GTPBP4: variants seen among roughly 807,000 people sequenced by gnomAD.
GTPBP4 encodes the protein GTP-binding protein 4.
A neutral mutation model predicts 81.7 loss-of-function variants in GTPBP4; 15 were observed. The ratio of observed to expected loss-of-function variants is 0.18; its 90% CI spans 0.12 to 0.28. The LOEUF (loss-of-function observed/expected upper bound fraction) is 0.28, where lower values mean the gene tolerates loss of function less well. Ranked by LOEUF, GTPBP4 falls within the 10% of genes least tolerant of loss-of-function variation. The probability of loss-of-function intolerance (pLI) is 1.00; values close to 1 mark genes in which losing one functional copy is unlikely to be tolerated. For missense variants in GTPBP4, 847 were observed against 793.8 expected (o/e 1.07, Z -0.81); for synonymous variants, 272 against 274.6 (o/e 0.99, Z 0.09).
At chr10:999,537 G>A (rs113688143) in intron 6 of GTPBP4, among the ~76,000 whole-genome samples, 2 of 152,388 alleles carry the variant, frequency 1.3e-5, no homozygotes, top group African/African-American at 4.8e-5. Flanking sequence ...CAGGTCGCAT[G>A]TCTCTGATAT....
rs1831616164 is a variant in GTPBP4 at position 1,000,810 on chromosome 10, A to G, written c.788A>G (p.His263Arg). The G allele has an allele frequency of 6.2e-7, 1 of 1,611,544 alleles. No homozygotes were observed. The highest frequency in any genetic ancestry group is 1.3e-5 in the African/African-American group (1 of 74,884). The change falls in exon 7 of 17, where the codon CAT becomes CGT. Residue 263 changes from histidine (H) to arginine (R), a missense_variant. Physicochemically the swap from His to Arg is conservative, Grantham distance 29. Around this residue, in one of 3 missense-constraint regions of GTPBP4, gnomAD observed 600 missense variants for 557.1 expected, o/e 1.08. Coordinates refer to ENST00000360803, the MANE Select transcript of GTPBP4 (RefSeq NM_012341.3). ...ATGGATTTGTCTGAGCAGTGTGGGCATGGGCTGAGGGAGCAGCTAGAACTC... is the reference window on the plus strand; with the variant it reads ...ATGGATTTGTCTGAGCAGTGTGGGCGTGGGCTGAGGGAGCAGCTAGAACTC... ...YVMDLSEQCG[H>R]GLREQLELFQ...
rs1168711660 is a variant in GTPBP4, at chr10:1,007,037, C to T, written c.1022C>T (p.Ala341Val). Reference sequence around the variant, plus strand: ...TATTAGGCTTGCGATAGGCTTTTGGCTCATCGAGTGGAAACCAAAATGAAG... The same window carrying T: ...TATTAGGCTTGCGATAGGCTTTTGGTTCATCGAGTGGAAACCAAAATGAAG... ...VKTEACDRLL[A>V]HRVETKMKGN... The change falls in exon 10 of 17, where the codon GCT becomes GTT. Residue 341 changes from alanine (A) to valine (V), a missense_variant. Ala to Val is a moderately conservative substitution (Grantham distance 64). Transcript: ENST00000360803. The T allele has an allele frequency of 2.5e-6, 4 of 1,610,440 alleles. No individual in the cohort carries two copies. The highest frequency in any genetic ancestry group is 3.4e-6 in the Non-Finnish European group (4 of 1,176,802).
At position 1,007,015 on chromosome 10, in the gene GTPBP4, T is replaced by A. The variant is rs1392055471; in HGVS notation, c.1003-3T>A. On this transcript the variant is annotated splice_polypyrimidine_tract_variant and splice_region_variant and intron_variant, in intron 9 of 16. Transcript: ENST00000360803. ...GACTGTGCCTTCTTTTTTACGTTATTAGGCTTGCGATAGGCTTTTGGCTCA... is the reference window on the plus strand; with the variant it reads ...GACTGTGCCTTCTTTTTTACGTTATAAGGCTTGCGATAGGCTTTTGGCTCA... 1.3e-6 allele frequency: 2 copies of A among 1,591,294 alleles called. No homozygotes were observed.
intron 3 of GTPBP4, 21 bp downstream of exon 3, chr10:996,053 G>A (rs1439939859): frequency 6.3e-7 from 1 of 1,588,572 alleles, no homozygotes; most frequent in Admixed American, 1.7e-5. Context: ...TTTTTCTGTA[G>A]TGTCTTTTAA....
chr10:1,010,993 A>ACCACCTTC (rs1831853179), intron 13 of GTPBP4, among the ~76,000 whole-genome samples: 1 of 138,576 alleles, frequency 7.2e-6, no homozygotes. Context: ...TGCCTCCTGC[A>ACCACCTTC]CCACCTTCCC....
At chr10:1,001,563 A>G (rs1333471999) in intron 8 of GTPBP4, among the ~76,000 whole-genome samples, 2 of 152,146 alleles carry the variant, frequency 1.3e-5, no homozygotes, top group Non-Finnish European at 2.9e-5. Context: ...GCACTGGTGG[A>G]GTGGCTTTCA....
In GTPBP4 at chr10:999,047, C is replaced by A. The variant is rs1242533472; in HGVS notation, c.606C>A (p.Thr202=). Residue 202 remains threonine (T), a synonymous_variant, in exon 6 of 17, where the codon ACC becomes ACA. Coordinates refer to ENST00000360803, the MANE Select transcript of GTPBP4 (RefSeq NM_012341.3). The part of the protein sequence containing the change: ...DVDVQPYAFT[T]KSLFVGHMDY... ...ATGTCCAGCCCTATGCGTTCACAAC[C>A]AAGTCTCTGTTTGTTGGGCACATGG... 2 of 1,609,230 alleles carry A rather than the reference C, an allele frequency of 1.2e-6. No individual in the cohort carries two copies. Among genetic ancestry groups the A allele is most frequent in the African/African-American group, 2.7e-5 (2 of 74,830 alleles).
At chr10:989,114 CTTTTTTTT>C (rs869154759) in intron 1 of GTPBP4, among the ~76,000 whole-genome samples, 2 of 102,100 alleles carry the variant, frequency 2.0e-5, no homozygotes, top group East Asian at 2.8e-4. Flanking sequence ...AGTATTAGGA[CTTTTTTTT>C]TTTTTTTTTT....
chr10:1,013,119 G>C (rs1277277653), intron 14 of GTPBP4, among the ~76,000 whole-genome samples: 1 of 151,622 alleles, frequency 6.6e-6, no homozygotes, highest in African/African-American at 2.4e-5. Flanking sequence ...GAGTAGCTGG[G>C]ATTACAGGCA....
intron 2 of GTPBP4, among the ~76,000 whole-genome samples, chr10:994,631 A>G (rs764302719): frequency 6.6e-6 from 1 of 152,218 alleles, no homozygotes; most frequent in African/African-American, 2.4e-5. Flanking sequence ...AGCCAACAAC[A>G]TACTTTGATC....
At chr10:995,810 G>C in intron 2 of GTPBP4, 119 bp from the exon 3 acceptor site, 2 of 634,198 alleles carry the variant, frequency 3.2e-6, no homozygotes, top group Non-Finnish European at 5.7e-6. Flanking sequence ...GGCCAGGAGA[G>C]GGAACTGGGG....
At chr10:1,007,159 C>T (rs2132167539) in intron 10 of GTPBP4, 31 bp downstream of exon 10, 1 of 1,203,374 alleles carries the variant, frequency 8.3e-7, no homozygotes, top group Non-Finnish European at 1.2e-6. Context: ...GCCGTGGGCT[C>T]ACAGTACTGT....
intron 8 of GTPBP4, among the ~76,000 whole-genome samples, chr10:1,003,657 TC>T (rs1831678072): frequency 6.6e-6 from 1 of 152,168 alleles, no homozygotes; most frequent in Admixed American, 6.6e-5. Context: ...CTTCCTCACC[TC>T]CATGAAATGT....
chr10:996,016 A>G lies in GTPBP4; in HGVS notation c.307A>G (p.Lys103Glu). ...KLALGQINIA[K>E]NLVDNVAKDY... ...GGCTCTGGGGCAAATAAATATTGCC[A>G]AAAATTTAGTGGACAAGTAAGGTAC... Residue 103 changes from lysine (K) to glutamate (E), a missense_variant, in exon 3 of 17, where the codon AAA (lysine) becomes GAA (glutamate). By Grantham distance (56) the Lys-to-Glu change is moderately conservative (BLOSUM62 1). Around this residue, in one of 3 missense-constraint regions of GTPBP4, gnomAD observed 241 missense variants for 216.3 expected, o/e 1.11. Transcript: ENST00000360803. 6.2e-7 allele frequency: 1 copy of G among 1,604,846 alleles called. No individual in the cohort carries two copies. Among genetic ancestry groups the G allele is most frequent in the Non-Finnish European group, 8.5e-7 (1 of 1,171,582 alleles).
rs758419983 is a variant in GTPBP4, at chr10:1,007,058, T to G, written c.1043T>G (p.Met348Arg). Residue 348 changes from methionine to arginine, a missense_variant, in exon 10 of 17, where the codon ATG becomes AGG. Around this residue, in one of 3 missense-constraint regions of GTPBP4, gnomAD observed 600 missense variants for 557.1 expected, o/e 1.08. Transcript: ENST00000360803. Reference sequence around the variant, plus strand: ...TTGGCTCATCGAGTGGAAACCAAAATGAAGGGAAATAAAGTGAATGAGGTG... The same window carrying G: ...TTGGCTCATCGAGTGGAAACCAAAAGGAAGGGAAATAAAGTGAATGAGGTG... ...RLLAHRVETK[M>R]KGNKVNEVLN... is the part of the protein sequence containing the mutation. 2 of 1,613,522 alleles carry G rather than the reference T, an allele frequency of 1.2e-6. No homozygotes were observed. Among genetic ancestry groups the G allele is most frequent in the African/African-American group, 2.7e-5 (2 of 75,032 alleles).
intron 2 of GTPBP4, among the ~76,000 whole-genome samples, chr10:995,544 TTTG>T (rs1831523927): frequency 6.6e-6 from 1 of 152,094 alleles, no homozygotes; most frequent in Non-Finnish European, 1.5e-5. Context: ...TATGGGAATT[TTTG>T]ATTTTTTTTC....
intron 13 of GTPBP4, among the ~76,000 whole-genome samples, chr10:1,011,313 G>C (rs1436296328): frequency 1.3e-5 from 2 of 152,086 alleles, no homozygotes; most frequent in African/African-American, 2.4e-5. Flanking sequence ...CTTTTTCTTA[G>C]CATATAAAAG....
chr10:993,456 AG>A (rs1489165977), intron 2 of GTPBP4, among the ~76,000 whole-genome samples: 1 of 152,166 alleles, frequency 6.6e-6, no homozygotes, highest in East Asian at 1.9e-4. Flanking sequence ...CATGTTGGCC[AG>A]GCTGGTCTTG....
intron 14 of GTPBP4, 34 bp from the exon 15 acceptor site, chr10:1,014,213 A>T: frequency 7.3e-7 from 1 of 1,370,138 alleles, no homozygotes; most frequent in African/African-American, 1.4e-5. Context: ...CATCAAACTA[A>T]TTTAAAGCTA....
Sources: allele counts gnomAD v4.1 joint callset (sites outside exome capture counted in the v4.1 genomes callset), GRCh38; gene constraint gnomAD v4.1.1; regional missense constraint gnomAD v4.1.1; transcripts MANE v1.5; gene names NCBI Gene and HGNC (gene_info 2026-07-23, HGNC 2026-07-21).